The following SPOCK3 variants were observed in gnomAD, a reference collection of about 807,000 sequenced individuals.
SPOCK3 encodes testican-3.
Under a neutral mutation model 56.6 loss-of-function variants are expected in SPOCK3, and 30 were observed. The ratio of observed to expected loss-of-function variants is 0.53; its 90% CI spans 0.40 to 0.72. The LOEUF (loss-of-function observed/expected upper bound fraction) is 0.72, where lower values mean the gene tolerates loss of function less well. SPOCK3 is among the 30% of genes least tolerant of loss of function. SPOCK3 has a pLI of 0.00. For missense variants in SPOCK3, 527 were observed against 530.0 expected (o/e 0.99, Z 0.06); for synonymous variants, 196 against 183.3 (o/e 1.07, Z -0.56).
chr4:166,816,382 C>T (rs774640305), intron 6 of SPOCK3, among the ~76,000 whole-genome samples: 2 of 152,054 alleles, frequency 1.3e-5, no homozygotes, highest in Non-Finnish European at 2.9e-5. Flanking sequence ...CTAAATACTG[C>T]ATTATTCATT....
chr4:166,897,211 T>C (rs1735487658), intron 5 of SPOCK3, among the ~76,000 whole-genome samples: 1 of 152,144 alleles, frequency 6.6e-6, no homozygotes, highest in Admixed American at 6.5e-5. Flanking sequence ...TGTGAAAATC[T>C]AGTTTGTCTA....
In SPOCK3 at chr4:167,119,212, G is replaced by A. The variant is rs556551903; in HGVS notation, c.190-56675C>T. On this transcript the variant is annotated intron_variant, in intron 2 of 10. Transcript: ENST00000357545. ...AATAATCTGTAATGGCAATTCTATA[G>A]TTAAATAGAAAGAAAATTCCTATTG... is the stretch of plus-strand genomic sequence containing the variant. Among the ~76,000 whole-genome samples, 16 of 152,182 alleles carry A rather than the reference G, an allele frequency of 1.1e-4. 1 individual carries two copies. The highest frequency in any genetic ancestry group is 3.1e-4 in the African/African-American group (13 of 41,528).
chr4:167,059,158 A>G (rs1755280783), intron 3 of SPOCK3, among the ~76,000 whole-genome samples: 1 of 152,098 alleles, frequency 6.6e-6, no homozygotes, highest in Non-Finnish European at 1.5e-5. Context: ...AATGGGATCT[A>G]ATTAAACTAA....
At chr4:166,785,618 T>C (rs17052598) in intron 7 of SPOCK3, among the ~76,000 whole-genome samples, 3,691 of 151,864 alleles carry the variant, frequency 0.024, 144 homozygotes, top group African/African-American at 0.083. Context: ...AATGTTGATT[T>C]GATGGTATGT....
intron 2 of SPOCK3, among the ~76,000 whole-genome samples, chr4:167,194,896 T>G (rs1459741084): frequency 6.6e-6 from 1 of 152,178 alleles, no homozygotes; most frequent in African/African-American, 2.4e-5. Flanking sequence ...ACTAGGTATC[T>G]GGGAGGTCTC....
chr4:167,000,975 T>C (rs1748896175), intron 3 of SPOCK3, among the ~76,000 whole-genome samples: 1 of 152,200 alleles, frequency 6.6e-6, no homozygotes, highest in South Asian at 2.1e-4. Context: ...GAATATATCA[T>C]AGTAAGAACT....
chr4:166,755,995 A>G (rs1737020740), intron 7 of SPOCK3, among the ~76,000 whole-genome samples: 1 of 10,856 alleles, frequency 9.2e-5, no homozygotes, highest in East Asian at 8.2e-4. Context: ...CTCACTAGGG[A>G]GTGCCAGACA....
At chr4:166,818,161 CTT>C (rs1560891257) in intron 6 of SPOCK3, among the ~76,000 whole-genome samples, 1 of 151,964 alleles carries the variant, frequency 6.6e-6, no homozygotes, top group Non-Finnish European at 1.5e-5. Context: ...ATCTAAGTCA[CTT>C]AACATAATAT....
At chr4:167,179,030 G>A (rs902673261) in intron 2 of SPOCK3, among the ~76,000 whole-genome samples, 8 of 152,122 alleles carry the variant, frequency 5.3e-5, no homozygotes, top group African/African-American at 1.9e-4. Context: ...TTATTTTTGG[G>A]ATTTCCTGAG....
chr4:166,783,445 G>A (rs1301849058), intron 7 of SPOCK3, among the ~76,000 whole-genome samples: 2 of 152,056 alleles, frequency 1.3e-5, no homozygotes, highest in Non-Finnish European at 2.9e-5. Context: ...AATGGAGTTG[G>A]TGAAAAGATA....
At chr4:167,004,276 A>T (rs1214685140) in intron 3 of SPOCK3, among the ~76,000 whole-genome samples, 1 of 152,178 alleles carries the variant, frequency 6.6e-6, no homozygotes, top group Non-Finnish European at 1.5e-5. Flanking sequence ...GTTTTACAAG[A>T]ATATAGGACC....
intron 4 of SPOCK3, among the ~76,000 whole-genome samples, chr4:166,939,436 T>G (rs1182221652): frequency 6.6e-6 from 1 of 152,118 alleles, no homozygotes; most frequent in African/African-American, 2.4e-5. Context: ...CATAAGAACT[T>G]TCTTCTTATG....
At chr4:167,149,657 T>G (rs1022384687) in intron 2 of SPOCK3, among the ~76,000 whole-genome samples, 5 of 152,084 alleles carry the variant, frequency 3.3e-5, no homozygotes, top group Non-Finnish European at 2.9e-5. Context: ...CACATGGCTA[T>G]TACTATTGCA....
chr4:167,233,637 C>T (rs557866067), intron 2 of SPOCK3, among the ~76,000 whole-genome samples: 1 of 152,252 alleles, frequency 6.6e-6, no homozygotes, highest in African/African-American at 2.4e-5. Context: ...AAAGGCACAT[C>T]TGCTGTGTTT....
intron 2 of SPOCK3, among the ~76,000 whole-genome samples, chr4:167,113,755 C>A (rs1255228894): frequency 6.6e-6 from 1 of 151,970 alleles, no homozygotes; most frequent in Non-Finnish European, 1.5e-5. Flanking sequence ...GAAGCGGCAT[C>A]TGTGGAAGAT....
chr4:166,833,510 T>C (rs1355902423), intron 6 of SPOCK3, among the ~76,000 whole-genome samples: 3 of 152,208 alleles, frequency 2.0e-5, no homozygotes, highest in African/African-American at 7.2e-5. Flanking sequence ...TTGGTTCGTG[T>C]GCATTAAAAT....
At chr4:166,795,776 C>A (rs1350387528) in intron 6 of SPOCK3, among the ~76,000 whole-genome samples, 2 of 151,848 alleles carry the variant, frequency 1.3e-5, no homozygotes, top group Non-Finnish European at 2.9e-5. Context: ...CAAACTTTTA[C>A]ATAATTTCTT....
chr4:167,088,998 G>T (rs1258651616), intron 2 of SPOCK3, among the ~76,000 whole-genome samples: 1 of 151,916 alleles, frequency 6.6e-6, no homozygotes. Context: ...AAGCTTATTT[G>T]TTATGTTCAA....
At chr4:167,123,408 T>A (rs1218939190) in intron 2 of SPOCK3, among the ~76,000 whole-genome samples, 2 of 152,352 alleles carry the variant, frequency 1.3e-5, no homozygotes, top group East Asian at 3.9e-4. Flanking sequence ...TTTCATGGGC[T>A]GTCCAGACTA....
Sources: gnomAD v4.1 joint callset for allele counts (sites outside exome capture counted in the v4.1 genomes callset) on GRCh38, gnomAD v4.1.1 for gene constraint, MANE v1.5 for transcripts, NCBI Gene and HGNC (gene_info 2026-07-23, HGNC 2026-07-21) for gene names.